GRM5: variants seen among roughly 807,000 people sequenced by gnomAD.
GRM5 encodes glutamate metabotropic receptor 5, also known as metabotropic glutamate receptor 5.
In GRM5, 19 loss-of-function variants were observed where a neutral mutation model predicts 83.1. The ratio of observed to expected loss-of-function variants is 0.23; its 90% CI spans 0.16 to 0.34. The LOEUF is 0.34. Ranked by LOEUF, GRM5 falls within the 10% of genes least tolerant of loss-of-function variation. GRM5 has a pLI of 1.00. For missense variants in GRM5, 1,160 were observed against 1,588.3 expected (o/e 0.73, Z 4.58); for synonymous variants, 675 against 633.6 (o/e 1.07, Z -0.98).
intron 4 of GRM5, among the ~76,000 whole-genome samples, chr11:88,612,030 A>G (rs952952832): frequency 1.3e-5 from 2 of 151,190 alleles, no homozygotes; most frequent in Admixed American, 6.6e-5. Flanking sequence ...GGTTAGTTAC[A>G]TATGTATACA....
chr11:89,059,613 T>C (rs1201279925), intron 1 of GRM5, among the ~76,000 whole-genome samples: 1 of 152,102 alleles, frequency 6.6e-6, no homozygotes, highest in Non-Finnish European at 1.5e-5. Flanking sequence ...TGTTTTATCA[T>C]TAAAGTCATA....
intron 9 of GRM5, among the ~76,000 whole-genome samples, chr11:88,513,545 A>T (rs1020862964): frequency 6.6e-6 from 1 of 152,164 alleles, no homozygotes; most frequent in African/African-American, 2.4e-5. Flanking sequence ...ACAAAGCTTG[A>T]TATCTGCCAT....
intron 1 of GRM5, among the ~76,000 whole-genome samples, chr11:89,058,309 C>T (rs532114824): frequency 3.3e-5 from 5 of 152,104 alleles, no homozygotes; most frequent in South Asian, 2.1e-4. Context: ...TTGTTGTGGG[C>T]GGATGTTGTC....
chr11:89,058,624 A>G (rs981958883), intron 1 of GRM5, among the ~76,000 whole-genome samples: 2 of 152,298 alleles, frequency 1.3e-5, no homozygotes, highest in Admixed American at 6.5e-5. Flanking sequence ...TGCCTTACTC[A>G]ATGTTTATGC....
chr11:88,731,845 C>A (rs1210187926), intron 3 of GRM5, among the ~76,000 whole-genome samples: 1 of 151,930 alleles, frequency 6.6e-6, no homozygotes, highest in Non-Finnish European at 1.5e-5. Context: ...ATTGAATTTT[C>A]TGACTTTCTG....
intron 3 of GRM5, among the ~76,000 whole-genome samples, chr11:88,849,229 T>C (rs1387990043): frequency 6.6e-6 from 1 of 152,088 alleles, no homozygotes; most frequent in South Asian, 2.1e-4. Context: ...AGGACACATA[T>C]ATGCATATTT....
Position 89,047,252 on chromosome 11 carries a change from C to T in GRM5, c.621G>A (p.Lys207=). ...CTGATACATAGGTCCAGTTGTACCT[C>T]TTCACTATGTCCACCATGGCCCTTG... ...QQARAMVDIV[K]RYNWTYVSAV... The change falls in exon 2 of 10, where the codon AAG becomes AAA. Residue 207 remains lysine, a synonymous_variant. Transcript: ENST00000305447. This position sits in a 1 kb window ranked among gnomAD's most constrained non-coding sequence, Gnocchi z 5.1. The T allele has an allele frequency of 1.2e-6, 2 of 1,613,994 alleles. No individual in the cohort carries two copies. The highest frequency in any genetic ancestry group is 1.7e-6 in the Non-Finnish European group (2 of 1,179,910).
intron 2 of GRM5, among the ~76,000 whole-genome samples, chr11:88,918,652 A>C (rs1945636194): frequency 6.6e-6 from 1 of 152,066 alleles, no homozygotes; most frequent in African/African-American, 2.4e-5. Context: ...GGAAGACTAA[A>C]AGACAAATTT....
intron 3 of GRM5, among the ~76,000 whole-genome samples, chr11:88,821,857 T>C (rs1157994719): frequency 6.6e-6 from 1 of 152,186 alleles, no homozygotes; most frequent in Non-Finnish European, 1.5e-5. Context: ...CCCTGTTAGA[T>C]GAGAGACAAG....
chr11:88,959,658 T>C (rs1938725364), intron 2 of GRM5, among the ~76,000 whole-genome samples: 1 of 152,150 alleles, frequency 6.6e-6, no homozygotes, highest in African/African-American at 2.4e-5. Context: ...ACACCCTTCC[T>C]TCCCTGCTCC....
At chr11:88,634,805 A>G (rs919612219) in intron 4 of GRM5, among the ~76,000 whole-genome samples, 1 of 152,226 alleles carries the variant, frequency 6.6e-6, no homozygotes, top group African/African-American at 2.4e-5. Context: ...TATGTGCCAT[A>G]CTTTCATGCA....
intron 4 of GRM5, among the ~76,000 whole-genome samples, chr11:88,621,905 A>C (rs188169713): frequency 6.6e-6 from 1 of 152,276 alleles, no homozygotes; most frequent in Admixed American, 6.5e-5. Flanking sequence ...TGCACACATG[A>C]GAGATTAATC....
intron 3 of GRM5, among the ~76,000 whole-genome samples, chr11:88,695,442 T>C (rs1050444073): frequency 2.0e-5 from 3 of 152,176 alleles, no homozygotes; most frequent in African/African-American, 7.2e-5. Context: ...CATTTCTACT[T>C]TGTGTGATAT....
At chr11:88,802,407 G>A (rs1021730859) in intron 3 of GRM5, among the ~76,000 whole-genome samples, 5 of 152,098 alleles carry the variant, frequency 3.3e-5, no homozygotes, top group Non-Finnish European at 5.9e-5. Flanking sequence ...AATGAAACTA[G>A]AGGTCATTAT....
At chr11:88,776,654 C>T (rs4340054) in intron 3 of GRM5, among the ~76,000 whole-genome samples, 11,787 of 152,188 alleles carry the variant, frequency 0.077, 798 homozygotes, top group African/African-American at 0.19. Flanking sequence ...TATCTCTCAG[C>T]ATTTGCTTCT....
chr11:88,644,798 A>G (rs1221532314), intron 4 of GRM5, among the ~76,000 whole-genome samples: 1 of 152,100 alleles, frequency 6.6e-6, no homozygotes, highest in African/African-American at 2.4e-5. Flanking sequence ...AGAGGAGGGA[A>G]AGATTACAGA....
At chr11:88,831,450 G>C (rs998065775) in intron 3 of GRM5, among the ~76,000 whole-genome samples, 1 of 152,206 alleles carries the variant, frequency 6.6e-6, no homozygotes, top group Non-Finnish European at 1.5e-5. Flanking sequence ...TGCAGCCGCT[G>C]CCTCCCTAAC....
intron 3 of GRM5, among the ~76,000 whole-genome samples, chr11:88,749,797 T>C (rs1467769037): frequency 2.0e-5 from 3 of 152,148 alleles, no homozygotes; most frequent in Non-Finnish European, 4.4e-5. Context: ...TCAACATTCT[T>C]AAAGGAAAGA....
intron 3 of GRM5, among the ~76,000 whole-genome samples, chr11:88,826,484 T>A (rs1943896449): frequency 6.6e-6 from 1 of 151,702 alleles, no homozygotes; most frequent in African/African-American, 2.4e-5. Context: ...TTTCTTTTAT[T>A]TTGGACCTTT....
Sources: gnomAD v4.1 joint callset for allele counts (sites outside exome capture counted in the v4.1 genomes callset) on GRCh38, gnomAD v4.1.1 for gene constraint, Gnocchi (gnomAD v3.1) non-coding constraint, MANE v1.5 for transcripts, NCBI Gene and HGNC (gene_info 2026-07-23, HGNC 2026-07-21) for gene names.